DYM: variants seen among roughly 807,000 people sequenced by gnomAD.
The protein encoded by DYM is dymeclin, also known as dyggve-Melchior-Clausen syndrome protein.
A neutral mutation model predicts 93.1 loss-of-function variants in DYM; 78 were observed. That is an observed-to-expected ratio of 0.84 (90% CI 0.70 to 1.01). DYM has a LOEUF of 1.01. Among genes scored for constraint, DYM ranks in the 50% least tolerant of loss-of-function variants. DYM has a pLI of 0.00. For missense variants in DYM, 789 were observed against 845.0 expected, an observed-to-expected ratio of 0.93 and a Z score of 0.82; for synonymous variants, 321 against 319.7, an observed-to-expected ratio of 1.00 and a Z score of -0.04.
At chr18:49,135,221 T>C (rs758440876) in intron 15 of DYM, among the ~76,000 whole-genome samples, 14 of 152,064 alleles carry the variant, frequency 9.2e-5, no homozygotes, top group African/African-American at 1.9e-4. Flanking sequence ...GCAAATACAA[T>C]TGAAGAATGC....
At chr18:49,102,070 A>G (rs1006716520) in intron 16 of DYM, among the ~76,000 whole-genome samples, 2 of 152,186 alleles carry the variant, frequency 1.3e-5, no homozygotes, top group African/African-American at 4.8e-5. Context: ...CTCTTCTTAT[A>G]ATATCTTCAA....
In DYM at chr18:49,257,087, T is replaced by G. The variant is rs148421970; in HGVS notation, c.1383A>C (p.Thr461=). The change falls in exon 13 of 18, where the codon ACA becomes ACC. Residue 461 remains threonine (T), a synonymous_variant. Transcript: ENST00000675505. ...TATTTGCTAAAGCTGCCAAACAATT[T>G]GTGTGAAGGTACTTGTCCTGTGAGG... ...MTRTRDKYLH[T]NCLAALANMS... is the part of the protein sequence containing the mutation. 1.9e-5 allele frequency: 31 copies of G among 1,613,860 alleles called. No homozygotes were observed. In the Admixed American group the frequency reaches 4.0e-4, roughly 21 times the overall value.
chr18:49,262,289 A>G (rs893045261), intron 11 of DYM, among the ~76,000 whole-genome samples: 1 of 152,132 alleles, frequency 6.6e-6, no homozygotes, highest in African/African-American at 2.4e-5. Flanking sequence ...GACACAAGAA[A>G]GGGTCTTCCC....
At chr18:49,058,947 G>T (rs962509940) in intron 17 of DYM, among the ~76,000 whole-genome samples, 1 of 152,148 alleles carries the variant, frequency 6.6e-6, no homozygotes, top group Admixed American at 6.5e-5. Flanking sequence ...CAGCACAAAA[G>T]GGGTGACAAC....
At chr18:49,232,708 A>G (rs1042347843) in intron 13 of DYM, among the ~76,000 whole-genome samples, 2 of 148,140 alleles carry the variant, frequency 1.4e-5, no homozygotes, top group Non-Finnish European at 3.0e-5. Context: ...TCCCGGGTTC[A>G]AGCGATTCTC....
At chr18:49,203,334 C>T (rs571583913) in intron 14 of DYM, among the ~76,000 whole-genome samples, 1 of 87,096 alleles carries the variant, frequency 1.1e-5, no homozygotes, top group Non-Finnish European at 2.5e-5. Context: ...TGCCCGGCCA[C>T]CACCCCGTCT....
chr18:49,157,246 C>G (rs2086571640), intron 15 of DYM, among the ~76,000 whole-genome samples: 1 of 152,106 alleles, frequency 6.6e-6, no homozygotes, highest in South Asian at 2.1e-4. Context: ...CTCTACCTCT[C>G]CATCTAATAT....
At chr18:49,222,651 T>G (rs1379604490) in intron 13 of DYM, among the ~76,000 whole-genome samples, 1 of 151,772 alleles carries the variant, frequency 6.6e-6, no homozygotes. Flanking sequence ...ATAAAATAAA[T>G]AAACAAAAAA....
At chr18:49,251,622 C>T (rs577143858) in intron 13 of DYM, among the ~76,000 whole-genome samples, 7 of 152,250 alleles carry the variant, frequency 4.6e-5, no homozygotes, top group East Asian at 1.9e-4. Flanking sequence ...AAATTATGTG[C>T]GAGGCCGTTA....
At chr18:49,114,794 T>C (rs2081777033) in intron 16 of DYM, among the ~76,000 whole-genome samples, 1 of 152,100 alleles carries the variant, frequency 6.6e-6, no homozygotes, top group Non-Finnish European at 1.5e-5. Flanking sequence ...TCAGAGACAT[T>C]TTTAAGGATA....
At chr18:49,121,532 A>G (rs1473577844) in intron 15 of DYM, among the ~76,000 whole-genome samples, 2 of 152,146 alleles carry the variant, frequency 1.3e-5, no homozygotes, top group Admixed American at 6.6e-5. Context: ...AAAAAAATCA[A>G]ACAGATTCAA....
At chr18:49,391,522 G>A in intron 3 of DYM, 71 bp downstream of exon 3, 4 of 1,403,304 alleles carry the variant, frequency 2.9e-6, no homozygotes, top group Non-Finnish European at 4.0e-6. Flanking sequence ...CATTAATTCA[G>A]TTCATATTAT....
At chr18:49,099,407 T>A (rs2079898921) in intron 16 of DYM, among the ~76,000 whole-genome samples, 1 of 152,182 alleles carries the variant, frequency 6.6e-6, no homozygotes, top group Non-Finnish European at 1.5e-5. Flanking sequence ...GTGATTTTGA[T>A]GATCAGTCAG....
intron 16 of DYM, among the ~76,000 whole-genome samples, chr18:49,101,951 C>A (rs2080193158): frequency 6.6e-6 from 1 of 152,130 alleles, no homozygotes; most frequent in Admixed American, 6.5e-5. Context: ...TTGAGTCTTG[C>A]CTCTGATACT....
intron 6 of DYM, among the ~76,000 whole-genome samples, chr18:49,350,131 G>A (rs1316959712): frequency 6.6e-6 from 1 of 152,038 alleles, no homozygotes; most frequent in African/African-American, 2.4e-5. Context: ...CTTAAAATGT[G>A]CACAATTAAT....
At chr18:49,425,849 C>A (rs2074228365) in intron 2 of DYM, among the ~76,000 whole-genome samples, 1 of 152,092 alleles carries the variant, frequency 6.6e-6, no homozygotes, top group Non-Finnish European at 1.5e-5. Context: ...CAATGAAATA[C>A]CATCTCACAC....
intron 3 of DYM, among the ~76,000 whole-genome samples, chr18:49,387,894 G>A (rs1026005723): frequency 8.6e-5 from 13 of 151,938 alleles, no homozygotes; most frequent in Non-Finnish European, 1.8e-4. Flanking sequence ...ACTAAAATAA[G>A]ATAATAAAAT....
At chr18:49,394,370 T>C (rs949686835) in intron 2 of DYM, among the ~76,000 whole-genome samples, 1 of 152,088 alleles carries the variant, frequency 6.6e-6, no homozygotes, top group African/African-American at 2.4e-5. Context: ...CAACAAATGA[T>C]AGATTCTGTT....
chr18:49,311,636 C>T (rs1163176049), intron 8 of DYM, among the ~76,000 whole-genome samples: 2 of 149,576 alleles, frequency 1.3e-5, no homozygotes, highest in Non-Finnish European at 3.0e-5. Context: ...GACAGAAAAC[C>T]AAACACCACA....
Sources: gnomAD v4.1 joint callset for allele counts (sites outside exome capture counted in the v4.1 genomes callset) on GRCh38, gnomAD v4.1.1 for gene constraint, MANE v1.5 for transcripts, NCBI Gene and HGNC (gene_info 2026-07-23, HGNC 2026-07-21) for gene names.